The following ERBB4 variants were observed in gnomAD, a reference collection of about 807,000 sequenced individuals.
The protein encoded by ERBB4 is receptor tyrosine-protein kinase erbB-4.
A neutral mutation model predicts 158.0 loss-of-function variants in ERBB4; 42 were observed. The ratio of observed to expected loss-of-function variants is 0.27; its 90% CI spans 0.21 to 0.34. The LOEUF is 0.34. Ranked by LOEUF, ERBB4 falls within the 10% of genes least tolerant of loss-of-function variation. The pLI, the probability that ERBB4 is intolerant of heterozygous loss-of-function variation, is 1.00. For synonymous variants in ERBB4, 583 were observed against 558.7 expected, an observed-to-expected ratio of 1.04 and a Z score of -0.61; for missense variants, 1,333 against 1,624.1, an observed-to-expected ratio of 0.82 and a Z score of 3.08.
intron 20 of ERBB4, among the ~76,000 whole-genome samples, chr2:211,481,652 CT>C (rs2065086953): frequency 6.6e-6 from 1 of 151,504 alleles, no homozygotes; most frequent in Admixed American, 6.6e-5. Context: ...GGAGCTGCTT[CT>C]TAAGTGACTT....
At position 211,772,950 on chromosome 2, in the gene ERBB4, TATATA is replaced by T. The variant is rs201763254; in HGVS notation, c.556+15070_556+15074del. 1.0e-3 allele frequency among the ~76,000 whole-genome samples: 80 copies of T among 76,470 alleles called. 3 individuals carry two copies. Among genetic ancestry groups the T allele is most frequent in the Middle Eastern group, 6.0e-3 (1 of 168 alleles). The allele number at this position is 76,470 out of a possible 152,430, so 50.2% of individuals were successfully genotyped here. A position where few individuals can be genotyped will look rare whatever the true frequency, so the allele number is the denominator to read the frequency against. ...ATATATATATATATATATATATATA[TATATA>T]TTTTTTTTTTTAAAGATGGGGTCCT... is the stretch of plus-strand genomic sequence containing the variant. On this transcript the variant is annotated intron_variant, in intron 4 of 27. Coordinates refer to ENST00000342788, the MANE Select transcript of ERBB4 (RefSeq NM_005235.3).
chr2:211,764,506 G>A (rs1460677579), intron 4 of ERBB4, among the ~76,000 whole-genome samples: 1 of 152,140 alleles, frequency 6.6e-6, no homozygotes, highest in Non-Finnish European at 1.5e-5. Context: ...ATTTTATTAT[G>A]TACAAGGCAT....
At chr2:211,698,314 G>GAAAA (rs780824731) in intron 12 of ERBB4, among the ~76,000 whole-genome samples, 1 of 88,022 alleles carries the variant, frequency 1.1e-5, no homozygotes, top group Non-Finnish European at 2.2e-5. Context: ...CTCCGTCTCA[G>GAAAA]AAAAAAAAAA....
At chr2:212,040,377 T>C (rs189907739) in intron 2 of ERBB4, among the ~76,000 whole-genome samples, 14 of 152,268 alleles carry the variant, frequency 9.2e-5, no homozygotes, top group East Asian at 1.9e-4. Context: ...TCCTCATTTA[T>C]GTGGTTTATT....
At chr2:211,531,715 T>C (rs1192519310) in intron 20 of ERBB4, among the ~76,000 whole-genome samples, 3 of 152,072 alleles carry the variant, frequency 2.0e-5, no homozygotes, top group African/African-American at 7.2e-5. Flanking sequence ...TTGGTGGGAA[T>C]GTAAATTAGT....
intron 2 of ERBB4, among the ~76,000 whole-genome samples, chr2:211,955,739 A>G (rs567283188): frequency 1.3e-5 from 2 of 152,256 alleles, no homozygotes; most frequent in East Asian, 1.9e-4. Context: ...CGCTGTAACA[A>G]TTTAAACTGT....
chr2:212,326,478 G>A (rs984681369), intron 1 of ERBB4, among the ~76,000 whole-genome samples: 8 of 150,662 alleles, frequency 5.3e-5, no homozygotes, highest in African/African-American at 1.9e-4. Flanking sequence ...TACTTTCAAT[G>A]ATTAGATTCC....
chr2:212,321,249 G>A (rs2087555688), intron 1 of ERBB4, among the ~76,000 whole-genome samples: 1 of 150,402 alleles, frequency 6.6e-6, no homozygotes. Context: ...AGTGATTAAA[G>A]AACAACTACG....
chr2:212,167,825 A>T (rs544336397), intron 1 of ERBB4, among the ~76,000 whole-genome samples: 2 of 152,260 alleles, frequency 1.3e-5, no homozygotes, highest in African/African-American at 4.8e-5. Context: ...CATCCTCAGC[A>T]AACTAATACA....
intron 1 of ERBB4, among the ~76,000 whole-genome samples, chr2:212,208,355 T>C (rs1345329271): frequency 6.6e-6 from 1 of 152,160 alleles, no homozygotes; most frequent in Non-Finnish European, 1.5e-5. Flanking sequence ...TCTTTTCTCA[T>C]TATTTGTTCT....
intron 1 of ERBB4, among the ~76,000 whole-genome samples, chr2:212,167,396 C>G (rs866045484): frequency 5.9e-5 from 9 of 152,182 alleles, no homozygotes; most frequent in Middle Eastern, 3.4e-3. Flanking sequence ...GAGATAATAT[C>G]CCATGCCACT....
chr2:212,528,474 T>G (rs1027539665), intron 1 of ERBB4, among the ~76,000 whole-genome samples: 1 of 152,126 alleles, frequency 6.6e-6, no homozygotes, highest in African/African-American at 2.4e-5. Context: ...GACTCAAACT[T>G]TCTTCTCATG....
At chr2:212,141,144 A>G (rs2080462070) in intron 1 of ERBB4, among the ~76,000 whole-genome samples, 1 of 151,968 alleles carries the variant, frequency 6.6e-6, no homozygotes, top group Non-Finnish European at 1.5e-5. Context: ...TGCCATAAAC[A>G]AGATGAAATA....
chr2:212,526,448 G>A (rs1009733676), intron 1 of ERBB4, among the ~76,000 whole-genome samples: 2 of 151,906 alleles, frequency 1.3e-5, no homozygotes, highest in Non-Finnish European at 2.9e-5. Context: ...AAAGAAAAGG[G>A]CCACTAAAGA....
chr2:212,051,196 G>C (rs142700228), intron 2 of ERBB4, among the ~76,000 whole-genome samples: 86 of 152,116 alleles, frequency 5.7e-4, no homozygotes, highest in African/African-American at 1.9e-3. Flanking sequence ...ATCAGAGTCT[G>C]GCATTTTATT....
chr2:212,076,447 G>A (rs2078277347), intron 2 of ERBB4, among the ~76,000 whole-genome samples: 1 of 151,792 alleles, frequency 6.6e-6, no homozygotes, highest in Non-Finnish European at 1.5e-5. Flanking sequence ...CCTATTTTAA[G>A]CAATAACTAA....
At chr2:212,379,847 A>T (rs1297136162) in intron 1 of ERBB4, among the ~76,000 whole-genome samples, 1 of 149,712 alleles carries the variant, frequency 6.7e-6, no homozygotes, top group East Asian at 2.0e-4. Flanking sequence ...GTGTGTGTGC[A>T]TTTTCCATAC....
intron 1 of ERBB4, among the ~76,000 whole-genome samples, chr2:212,327,437 G>C (rs1489360130): frequency 6.6e-6 from 1 of 151,884 alleles, no homozygotes; most frequent in Non-Finnish European, 1.5e-5. Context: ...TGAGACTAAG[G>C]ATACTCTTGG....
intron 12 of ERBB4, among the ~76,000 whole-genome samples, chr2:211,688,148 G>T (rs2072644918): frequency 6.6e-6 from 1 of 152,154 alleles, no homozygotes; most frequent in Non-Finnish European, 1.5e-5. Flanking sequence ...ATAATAAGAT[G>T]AAAATTTTAT....
Sources: gnomAD v4.1 joint callset for allele counts (sites outside exome capture counted in the v4.1 genomes callset) on GRCh38, gnomAD v4.1.1 for gene constraint, MANE v1.5 for transcripts, NCBI Gene and HGNC (gene_info 2026-07-23, HGNC 2026-07-21) for gene names.